The following RPS27L variants were observed in gnomAD, a reference collection of about 807,000 sequenced individuals.
RPS27L encodes ribosomal protein eS27-like.
RPS27L carries 10 observed loss-of-function variants against 12.8 expected under a neutral mutation model. The ratio of observed to expected loss-of-function variants is 0.78; its 90% CI spans 0.48 to 1.33. The LOEUF (loss-of-function observed/expected upper bound fraction) is 1.33, where lower values mean the gene tolerates loss of function less well. Among genes scored for constraint, RPS27L ranks in the 40% most tolerant of loss-of-function variants. The pLI, the probability that RPS27L is intolerant of heterozygous loss-of-function variation, is 0.00. For synonymous variants in RPS27L, 26 were observed against 32.3 expected, an observed-to-expected ratio of 0.81 and a Z score of 0.66; for missense variants, 81 against 97.4, an observed-to-expected ratio of 0.83 and a Z score of 0.71.
intron 1 of RPS27L, 140 bp downstream of exon 1, chr15:63,157,260 G>A (rs1423568452): frequency 4.2e-6 from 4 of 946,472 alleles, no homozygotes; most frequent in Non-Finnish European, 6.8e-6. Context: ...TGCCCGCCAC[G>A]CGCGAAGACG....
chr15:63,157,389 A>G lies in RPS27L; in HGVS notation c.6+11T>C, dbSNP rs754005109. The G allele has an allele frequency of 6.2e-6, 10 of 1,613,870 alleles. No homozygotes were observed. The East Asian group carries it at 2.2e-4, about 36-fold the overall frequency. ...CCAAAACAAACCCGGAGCCCGATGT[A>G]AACAACTCACAGGCATGTTGATCCT... On this transcript the variant is annotated intron_variant, in intron 1 of 3. Transcript: ENST00000330964.
At chr15:63,154,918 A>G (rs948715198) in intron 3 of RPS27L, 57 of 152,274 alleles carry the variant, frequency 3.7e-4, no homozygotes, top group Non-Finnish European at 2.9e-5. Context: ...TGATAAAAAA[A>G]AAACTATTAT....
At chr15:63,156,925 C>T (rs1270019556) in intron 1 of RPS27L, 1 of 383,164 alleles carries the variant, frequency 2.6e-6, no homozygotes, top group Non-Finnish European at 4.6e-6. Flanking sequence ...GATTTTTGCT[C>T]CTGTGGCTCA....
Position 63,150,578 on chromosome 15 carries a change from C to T in RPS27L, c.*3454G>A, listed in dbSNP as rs1331790480. On this transcript the variant is annotated 3_prime_UTR_variant, in exon 4 of 4. Transcript: ENST00000330964. ...TTTATCAGATGACTTACAGGAACGACCAGACACAAAACCATTTGTCATCTC... is the reference window on the plus strand; with the variant it reads ...TTTATCAGATGACTTACAGGAACGATCAGACACAAAACCATTTGTCATCTC... 1 of 152,154 alleles carries T rather than the reference C, an allele frequency of 6.6e-6. No individual in the cohort carries two copies. The allele number at this position is 152,154 out of a possible 1,614,324, so 9.4% of individuals were successfully genotyped here.
At chr15:63,154,094 T>G (rs1233860513) in intron 3 of RPS27L, 34 bp from the exon 4 acceptor site, 18 of 1,560,024 alleles carry the variant, frequency 1.2e-5, no homozygotes, top group Non-Finnish European at 1.6e-5. Flanking sequence ...ATTAAACAAG[T>G]GCATTCTACC....
In RPS27L at chr15:63,155,546, A is replaced by C. The variant is rs773259929; in HGVS notation, c.226+75T>G. ...TTTTGGTAATCATTAAGATTTCTTT[A>C]AACTTTTCAGTGAAGATAGAGACAT... On this transcript the variant is annotated intron_variant, in intron 3 of 3. Transcript: ENST00000330964. The C allele has an allele frequency of 3.1e-6, 3 of 969,080 alleles. No individual in the cohort carries two copies. The South Asian group carries it at 4.6e-5, about 15-fold the overall frequency. 60.0% of individuals were successfully genotyped at this position (969,080 alleles called of 1,614,324 possible).
rs997263209 is a variant in RPS27L at position 63,155,523 on chromosome 15, T to G, written c.226+98A>C. The G allele has an allele frequency of 4.1e-6, 3 of 738,306 alleles. No homozygotes were observed. In the African/African-American group the frequency reaches 5.4e-5, roughly 13 times the overall value. The allele number at this position is 738,306 out of a possible 1,614,324, so 45.7% of individuals were successfully genotyped here. A position where few individuals can be genotyped will look rare whatever the true frequency, so the allele number is the denominator to read the frequency against. On this transcript the variant is annotated intron_variant, in intron 3 of 3. Coordinates refer to ENST00000330964, the MANE Select transcript of RPS27L (RefSeq NM_015920.4). ...AGCACACAATGAAAGATAAGTTATTTTGGTAATCATTAAGATTTCTTTAAA... is the reference window on the plus strand; with the variant it reads ...AGCACACAATGAAAGATAAGTTATTGTGGTAATCATTAAGATTTCTTTAAA...
In RPS27L at chr15:63,156,307, CACTTCT is replaced by C. The variant is rs2037331824; in HGVS notation, c.115+100_115+105del. On this transcript the variant is annotated intron_variant, in intron 2 of 3. Coordinates refer to ENST00000330964, the MANE Select transcript of RPS27L (RefSeq NM_015920.4). ...CCTGACATTTCCAATTCTGTAATCC[CACTTCT>C]ACTCAACAGAGGGTTCTAATGTATC... 6 of 601,438 alleles carry C rather than the reference CACTTCT, an allele frequency of 1.0e-5. No homozygotes were observed. In the Admixed American group the frequency reaches 2.1e-4, roughly 21 times the overall value. 37.3% of individuals were successfully genotyped at this position (601,438 alleles called of 1,614,324 possible). A position where few individuals can be genotyped will look rare whatever the true frequency, so the allele number is the denominator to read the frequency against.
At chr15:63,155,996 T>C (rs1477871927) in intron 2 of RPS27L, among the ~76,000 whole-genome samples, 2 of 152,192 alleles carry the variant, frequency 1.3e-5, no homozygotes, top group African/African-American at 4.8e-5. Flanking sequence ...ATCGTCAAAA[T>C]CCAGTGAGTA....
In RPS27L at chr15:63,149,156, T is replaced by C. The variant is rs199590365; in HGVS notation, c.*4876A>G. 1 of 152,202 alleles carries C rather than the reference T, an allele frequency of 6.6e-6. No individual in the cohort carries two copies. The highest frequency in any genetic ancestry group is 1.5e-5 in the Non-Finnish European group (1 of 68,024). 9.4% of individuals were successfully genotyped at this position (152,202 alleles called of 1,614,324 possible). ...GGCGTGAGCCACCGCGCCCGGCCCC[T>C]GATGTCATTTTCTATGCCTATAGTT... On this transcript the variant is annotated 3_prime_UTR_variant, in exon 4 of 4. Coordinates refer to ENST00000330964, the MANE Select transcript of RPS27L (RefSeq NM_015920.4).
In RPS27L at chr15:63,151,910, C is replaced by G. The variant is rs959503882; in HGVS notation, c.*2122G>C. On this transcript the variant is annotated 3_prime_UTR_variant, in exon 4 of 4. Transcript: ENST00000330964. ...AGAAATAAGGACAATGGTGTCCAATCTGATTTCAATTTTGAGAAACTGTAT... is the reference window on the plus strand; with the variant it reads ...AGAAATAAGGACAATGGTGTCCAATGTGATTTCAATTTTGAGAAACTGTAT... 11 of 152,210 alleles carry G rather than the reference C, an allele frequency of 7.2e-5. No individual in the cohort carries two copies. Among genetic ancestry groups the G allele is most frequent in the African/African-American group, 2.7e-4 (11 of 41,444 alleles). The allele number at this position is 152,210 out of a possible 1,614,324, so 9.4% of individuals were successfully genotyped here. A position where few individuals can be genotyped will look rare whatever the true frequency, so the allele number is the denominator to read the frequency against.
chr15:63,157,112 AC>A (rs1595722811), intron 1 of RPS27L: 1 of 491,100 alleles, frequency 2.0e-6, no homozygotes, highest in East Asian at 3.8e-5. Context: ...AAAGATCACA[AC>A]CTCAGGGGCA....
At position 63,156,461 on chromosome 15, in the gene RPS27L, G is replaced by C; in HGVS notation, c.67C>G (p.Arg23Gly). 6.2e-7 allele frequency: 1 copy of C among 1,606,156 alleles called. No homozygotes were observed. The highest frequency in any genetic ancestry group is 8.5e-7 in the Non-Finnish European group (1 of 1,176,652). ...EEEKKKHKKK[R>G]LVQSPNSYFM... ...TAAGAATTTGGACTTTGTACTAGGCGTTTCTTTTTATGTTTTTTCTTTTCC... is the reference window on the plus strand; with the variant it reads ...TAAGAATTTGGACTTTGTACTAGGCCTTTCTTTTTATGTTTTTTCTTTTCC... The change falls in exon 2 of 4, where the codon CGC (arginine) becomes GGC (glycine). Residue 23 changes from arginine to glycine, a missense_variant. Transcript: ENST00000330964.
chr15:63,152,211 T>G lies in RPS27L; in HGVS notation c.*1821A>C, dbSNP rs1359383582. On this transcript the variant is annotated 3_prime_UTR_variant, in exon 4 of 4. Transcript: ENST00000330964. ...GGAGGCTTGCTTGAGCCCAGGAGTT[T>G]GAGGTCACAATGAGCTATGACCCTC... 1.3e-5 allele frequency: 2 copies of G among 152,138 alleles called. No individual in the cohort carries two copies. Among genetic ancestry groups the G allele is most frequent in the Non-Finnish European group, 2.9e-5 (2 of 68,034 alleles). 9.4% of individuals were successfully genotyped at this position (152,138 alleles called of 1,614,324 possible).
chr15:63,153,060 A>G lies in RPS27L; in HGVS notation c.*972T>C, dbSNP rs925370727. The G allele has an allele frequency of 1.3e-5, 2 of 152,260 alleles. No homozygotes were observed. Among genetic ancestry groups the G allele is most frequent in the Admixed American group, 6.5e-5 (1 of 15,276 alleles). 9.4% of individuals were successfully genotyped at this position (152,260 alleles called of 1,614,324 possible). On this transcript the variant is annotated 3_prime_UTR_variant, in exon 4 of 4. Transcript: ENST00000330964. ...TCTCAGCTCCCCAGGATTACTTCAT[A>G]AACTATGAAAATGACAATGAGGCAG...
At chr15:63,155,054 C>G (rs7180187) in intron 3 of RPS27L, 1 of 151,780 alleles carries the variant, frequency 6.6e-6, no homozygotes, top group Non-Finnish European at 1.5e-5. Context: ...TTTGGGAGGC[C>G]GAGGCGGGCA....
chr15:63,155,740 A>G lies in RPS27L; in HGVS notation c.116-9T>C, dbSNP rs2037328195. 2.8e-6 allele frequency: 4 copies of G among 1,449,514 alleles called. No homozygotes were observed. The highest frequency in any genetic ancestry group is 3.7e-6 in the Non-Finnish European group (4 of 1,089,536). 89.8% of individuals were successfully genotyped at this position (1,449,514 alleles called of 1,614,324 possible). On this transcript the variant is annotated splice_polypyrimidine_tract_variant and intron_variant, in intron 2 of 3. Transcript: ENST00000330964. ...GGTGATCTTGTAGCAACCTAAAAAA[A>G]AAAAAAGGCAATGTTAAAAATGAAA...
Position 63,153,726 on chromosome 15 carries a change from CA to C in RPS27L, c.*305del, listed in dbSNP as rs35597192. The stretch of plus-strand genomic sequence containing the variant: ...AGTGACAGAGCAGGACTCTCTCTCT[CA>C]AAAAAAAAAAAAAAGACACAAACTA... On this transcript the variant is annotated 3_prime_UTR_variant, in exon 4 of 4. Transcript: ENST00000330964. 0.054 allele frequency: 10,220 copies of C among 189,146 alleles called. No individual in the cohort carries two copies. The highest frequency in any genetic ancestry group is 0.12 in the Middle Eastern group (66 of 542). 11.7% of individuals were successfully genotyped at this position (189,146 alleles called of 1,614,324 possible).
chr15:63,154,224 C>T (rs2141085851), intron 3 of RPS27L, 164 bp from the exon 4 acceptor site: 1 of 597,294 alleles, frequency 1.7e-6, no homozygotes, highest in Non-Finnish European at 3.0e-6. Context: ...TGCTATAATA[C>T]ATCTATCATA....
Sources: allele counts gnomAD v4.1 joint callset (sites outside exome capture counted in the v4.1 genomes callset), GRCh38; gene constraint gnomAD v4.1.1; transcripts MANE v1.5; gene names NCBI Gene and HGNC (gene_info 2026-07-23, HGNC 2026-07-21).